SDK1: variants seen among roughly 807,000 people sequenced by gnomAD.
SDK1 encodes the protein sidekick cell adhesion molecule 1, also known as protein sidekick-1.
Under a neutral mutation model 245.5 loss-of-function variants are expected in SDK1, and 157 were observed. The ratio of observed to expected loss-of-function variants is 0.64; its 90% confidence interval spans 0.56 to 0.73. The LOEUF is 0.73. Ranked by LOEUF, SDK1 falls within the 30% of genes least tolerant of loss-of-function variation. SDK1 has a pLI of 0.00. For synonymous variants in SDK1, 1,647 were observed against 1,278.5 expected, an observed-to-expected ratio of 1.29 and a Z score of -6.15; for missense variants, 3,583 against 3,002.3, an observed-to-expected ratio of 1.19 and a Z score of -4.52.
intron 29 of SDK1, among the ~76,000 whole-genome samples, chr7:4,146,537 T>C (rs942864998): frequency 6.6e-6 from 1 of 152,238 alleles, no homozygotes; most frequent in Non-Finnish European, 1.5e-5. Context: ...CTCTTAGATA[T>C]GTGAGACGGT....
At chr7:3,759,057 G>A (rs894187858) in intron 4 of SDK1, among the ~76,000 whole-genome samples, 2 of 152,182 alleles carry the variant, frequency 1.3e-5, no homozygotes, top group Admixed American at 1.3e-4. Flanking sequence ...TTCAATGGTA[G>A]CATTTGTGTA....
At chr7:3,518,066 C>T (rs556735945) in intron 1 of SDK1, among the ~76,000 whole-genome samples, 1 of 152,082 alleles carries the variant, frequency 6.6e-6, no homozygotes, top group African/African-American at 2.4e-5. Flanking sequence ...ATTTATTTTT[C>T]AAAGTGTTTT....
At position 4,067,911 on chromosome 7, in the gene SDK1, C is replaced by T. The variant is rs200695848; in HGVS notation, c.2985C>T (p.Pro995=). The stretch of plus-strand genomic sequence containing the variant: ...CTCTCAAGGTCAGCTGGCAGGAGCC[C>T]CTGGAGAAAAATGGCATCATTACTG... ...DTSLKVSWQE[P]LEKNGIITGY... is the part of the protein sequence containing the mutation. The change falls in exon 20 of 45, where the codon CCC becomes CCT. Residue 995 remains proline (P), a synonymous_variant. Coordinates refer to ENST00000404826, the MANE Select transcript of SDK1 (RefSeq NM_152744.4). 4.0e-4 allele frequency: 649 copies of T among 1,612,570 alleles called. 4 individuals carry two copies. Among genetic ancestry groups the T allele is most frequent in the South Asian group, 3.3e-3 (296 of 90,534 alleles).
intron 19 of SDK1, among the ~76,000 whole-genome samples, chr7:4,061,234 G>A (rs935310166): frequency 1.3e-5 from 2 of 151,992 alleles, no homozygotes; most frequent in African/African-American, 2.4e-5. Flanking sequence ...ACCTTGGGCA[G>A]TATGGCCATT....
At chr7:4,185,690 T>C (rs568681034) in intron 35 of SDK1, among the ~76,000 whole-genome samples, 1 of 152,320 alleles carries the variant, frequency 6.6e-6, no homozygotes, top group East Asian at 1.9e-4. Flanking sequence ...CACAGCTCTT[T>C]GCATATCCAC....
intron 5 of SDK1, among the ~76,000 whole-genome samples, chr7:3,874,665 T>C (rs1456702146): frequency 1.3e-5 from 2 of 152,034 alleles, no homozygotes; most frequent in Non-Finnish European, 2.9e-5. Context: ...GTTTTTGTTT[T>C]GTTTTTTGCT....
At chr7:4,042,480 A>G (rs1293360483) in intron 17 of SDK1, among the ~76,000 whole-genome samples, 1 of 136,724 alleles carries the variant, frequency 7.3e-6, no homozygotes, top group Non-Finnish European at 1.5e-5. Context: ...GAGCCAGCTC[A>G]GCCAGGTGCC....
chr7:4,170,889 C>T (rs919807035), intron 32 of SDK1, among the ~76,000 whole-genome samples: 1 of 152,102 alleles, frequency 6.6e-6, no homozygotes, highest in Admixed American at 6.6e-5. Flanking sequence ...CTGTTGCCGG[C>T]GTCCCAAACA....
At chr7:4,078,928 A>G (rs1780876109) in intron 21 of SDK1, among the ~76,000 whole-genome samples, 1 of 152,204 alleles carries the variant, frequency 6.6e-6, no homozygotes. Context: ...CAAGAAGCCT[A>G]AGGCTCAAGA....
chr7:4,071,213 C>G (rs1273091671), intron 20 of SDK1, among the ~76,000 whole-genome samples: 16 of 151,378 alleles, frequency 1.1e-4, no homozygotes, highest in Non-Finnish European at 2.9e-5. Flanking sequence ...TTAGTAGAGA[C>G]AGGGTTTTAC....
chr7:3,890,973 G>C (rs919596072), intron 5 of SDK1, among the ~76,000 whole-genome samples: 5 of 152,178 alleles, frequency 3.3e-5, no homozygotes, highest in Admixed American at 6.5e-5. Context: ...CCAGTTGGCT[G>C]TGGCTTCACT....
At chr7:3,647,537 G>A (rs7792749) in intron 4 of SDK1, among the ~76,000 whole-genome samples, 47,386 of 151,936 alleles carry the variant, frequency 0.31, 8,650 homozygotes, top group African/African-American at 0.5. Flanking sequence ...AATGATTTTC[G>A]TGCTTCAGCC....
At chr7:4,162,000 CA>C in intron 32 of SDK1, 144 bp downstream of exon 32, 2 of 631,152 alleles carry the variant, frequency 3.2e-6, no homozygotes, top group Non-Finnish European at 2.8e-6. Flanking sequence ...CCCTCAGACT[CA>C]AAAACGCGAG....
intron 44 of SDK1, 30 bp from the exon 45 acceptor site, chr7:4,265,094 C>T (rs2128245706): frequency 1.2e-6 from 2 of 1,600,246 alleles, no homozygotes. Context: ...CCCTGCCCTG[C>T]ACTCACACCT....
intron 35 of SDK1, among the ~76,000 whole-genome samples, chr7:4,181,856 C>T (rs1026046584): frequency 6.6e-6 from 1 of 152,244 alleles, no homozygotes; most frequent in Non-Finnish European, 1.5e-5. Context: ...ATCACACCCA[C>T]CCAGAGTGCC....
intron 5 of SDK1, among the ~76,000 whole-genome samples, chr7:3,880,812 G>C (rs1781191096): frequency 6.6e-6 from 1 of 152,084 alleles, no homozygotes; most frequent in Non-Finnish European, 1.5e-5. Context: ...TTTGCCGGCT[G>C]TGGTTATGAA....
At chr7:4,114,311 A>G (rs1257522917) in intron 25 of SDK1, 37 bp downstream of exon 25, 3 of 1,502,130 alleles carry the variant, frequency 2.0e-6, no homozygotes, top group South Asian at 1.2e-5. Context: ...GAGACACCGC[A>G]TTAGAGATGG....
intron 42 of SDK1, among the ~76,000 whole-genome samples, chr7:4,238,971 CAG>C (rs2128237479): frequency 1.3e-5 from 2 of 152,272 alleles, no homozygotes; most frequent in South Asian, 4.1e-4. Flanking sequence ...TGCTGTGGCT[CAG>C]AGACTGTCAC....
chr7:3,588,645 A>G (rs1258537444), intron 1 of SDK1, among the ~76,000 whole-genome samples: 2 of 152,238 alleles, frequency 1.3e-5, no homozygotes, highest in Non-Finnish European at 2.9e-5. Context: ...GAAAAGATTT[A>G]GGGAGACCTT....
Sources: allele counts gnomAD v4.1 joint callset (sites outside exome capture counted in the v4.1 genomes callset), GRCh38; gene constraint gnomAD v4.1.1; transcripts MANE v1.5; gene names NCBI Gene and HGNC (gene_info 2026-07-23, HGNC 2026-07-21).